The following DTHD1 variants were observed in gnomAD, a reference collection of about 807,000 sequenced individuals.
DTHD1 encodes death domain-containing protein 1.
In DTHD1, 59 loss-of-function variants were observed where a neutral mutation model predicts 74.8. The observed-to-expected ratio is 0.79, with a 90% CI of 0.64 to 0.98. The LOEUF (loss-of-function observed/expected upper bound fraction) is 0.98. Among genes scored for constraint, DTHD1 ranks in the 50% least tolerant of loss-of-function variants. The probability of loss-of-function intolerance (pLI) is 0.00; values close to 1 mark genes in which losing one functional copy is unlikely to be tolerated. For synonymous variants in DTHD1, 365 were observed against 371.1 expected (o/e 0.98, Z 0.19); for missense variants, 1,051 against 1,065.4 (o/e 0.99, Z 0.19).
chr4:36,295,103 A>T, intron 5 of DTHD1, 64 bp downstream of exon 5: 1 of 1,396,734 alleles, frequency 7.2e-7, no homozygotes, highest in African/African-American at 1.4e-5. Context: ...GATGATTAAA[A>T]CTTGCAGTCA....
chr4:36,317,925 C>T (rs1251989864), intron 8 of DTHD1, among the ~76,000 whole-genome samples: 1 of 152,070 alleles, frequency 6.6e-6, no homozygotes, highest in Non-Finnish European at 1.5e-5. Context: ...AGAAAAAAGG[C>T]AAGTTGGGGG....
chr4:36,339,186 T>A lies in DTHD1; in HGVS notation c.2398+17T>A, dbSNP rs1759177522. 3 of 1,527,750 alleles carry A rather than the reference T, an allele frequency of 2.0e-6. No individual in the cohort carries two copies. The highest frequency in any genetic ancestry group is 2.7e-6 in the Non-Finnish European group (3 of 1,126,446). 94.6% of individuals were successfully genotyped at this position (1,527,750 alleles called of 1,614,324 possible). A position where few individuals can be genotyped will look rare whatever the true frequency, so the allele number is the denominator to read the frequency against. On this transcript the variant is annotated intron_variant, in intron 9 of 9. Coordinates refer to ENST00000639862, the MANE Select transcript of DTHD1 (RefSeq NM_001170700.3). ...ATCCTGTAGGTGAGGAATATTTGCT[T>A]TGTCATCATTATAGTGCTTCCCCAC...
At chr4:36,336,244 T>C (rs1759003886) in intron 8 of DTHD1, among the ~76,000 whole-genome samples, 1 of 152,200 alleles carries the variant, frequency 6.6e-6, no homozygotes, top group South Asian at 2.1e-4. Flanking sequence ...TAAGATATCA[T>C]AGGTGGCAAA....
chr4:36,290,669 C>A lies in DTHD1; in HGVS notation c.1184C>A (p.Pro395Gln). Residue 395 changes from proline (P) to glutamine (Q), a missense_variant, in exon 3 of 10, where the codon CCA becomes CAA. Coordinates refer to ENST00000639862, the MANE Select transcript of DTHD1 (RefSeq NM_001170700.3). ...DINLQSSYLNPNSLEGMKGGY... is the reference protein window; with the variant it reads ...DINLQSSYLNQNSLEGMKGGY... ...AACCTTCAATCAAGTTACCTAAACC[C>A]AAATTCACTAGAAGGAATGAAGGGA... is the stretch of plus-strand genomic sequence containing the variant. The A allele has an allele frequency of 1.3e-6, 2 of 1,543,848 alleles. No homozygotes were observed. The highest frequency in any genetic ancestry group is 1.7e-6 in the Non-Finnish European group (2 of 1,146,710).
At position 36,345,128 on chromosome 4, in the gene DTHD1, C is replaced by A. The variant is rs9918030; in HGVS notation, c.*1304C>A. 7 of 151,920 alleles carry A rather than the reference C, an allele frequency of 4.6e-5. No homozygotes were observed. The highest frequency in any genetic ancestry group is 7.4e-5 in the Non-Finnish European group (5 of 67,986). 9.4% of individuals were successfully genotyped at this position (151,920 alleles called of 1,614,324 possible). ...TATTTCTTCTACTTAGGAAGAAAAC[C>A]TGCTTTAAAATTAGTTAACAGAAGC... On this transcript the variant is annotated 3_prime_UTR_variant, in exon 10 of 10. Coordinates refer to ENST00000639862, the MANE Select transcript of DTHD1 (RefSeq NM_001170700.3).
chr4:36,311,175 G>A (rs1757384702), intron 7 of DTHD1: 1 of 152,220 alleles, frequency 6.6e-6, no homozygotes. Context: ...GCCGTCACCT[G>A]TGCAATTCCT....
chr4:36,343,386 G>T (rs1329341578), intron 9 of DTHD1, 116 bp from the exon 10 acceptor site: 1 of 990,734 alleles, frequency 1.0e-6, no homozygotes, highest in South Asian at 1.7e-5. Flanking sequence ...TCTCTGCACT[G>T]CTCCAAGGCC....
intron 1 of DTHD1, among the ~76,000 whole-genome samples, chr4:36,282,436 T>A (rs892360575): frequency 2.0e-5 from 3 of 152,180 alleles, no homozygotes; most frequent in Non-Finnish European, 4.4e-5. Context: ...AGCTAGTAGT[T>A]TGTTTTTTAT....
intron 7 of DTHD1, among the ~76,000 whole-genome samples, chr4:36,308,718 C>G (rs1189337937): frequency 1.3e-5 from 2 of 152,126 alleles, no homozygotes; most frequent in African/African-American, 4.8e-5. Flanking sequence ...CTAAGTGACA[C>G]TTTTTAGAAA....
rs745581607 is a variant in DTHD1, at chr4:36,294,809, C to G, written c.1413C>G (p.Asp471Glu). 1.6e-5 allele frequency: 25 copies of G among 1,546,156 alleles called. No homozygotes were observed. In the South Asian group the frequency reaches 2.7e-4, roughly 16 times the overall value. ...TTTTTGTTTAGATCCAACCAGTTGA[C>G]CCAGCTCTGGTGGCACATTTAAAAG... Reference protein sequence around the residue: ...VLVQLKIQPVDPALVAHLKAQ... With the variant: ...VLVQLKIQPVEPALVAHLKAQ... Residue 471 changes from aspartate to glutamate, a missense_variant, in exon 5 of 10, where the codon GAC becomes GAG. Transcript: ENST00000639862.
chr4:36,326,753 C>A (rs1280620007), intron 8 of DTHD1, among the ~76,000 whole-genome samples: 1 of 152,150 alleles, frequency 6.6e-6, no homozygotes, highest in African/African-American at 2.4e-5. Context: ...TGTTTTCTTC[C>A]CATCTAGCAG....
intron 8 of DTHD1, among the ~76,000 whole-genome samples, chr4:36,321,406 T>G (rs967175782): frequency 2.0e-5 from 3 of 152,186 alleles, no homozygotes; most frequent in African/African-American, 7.2e-5. Context: ...ATTTGATCCT[T>G]GTAGGAGTGC....
intron 2 of DTHD1, among the ~76,000 whole-genome samples, chr4:36,288,523 G>A (rs1434185665): frequency 1.3e-5 from 2 of 152,184 alleles, no homozygotes; most frequent in Middle Eastern, 3.2e-3. Flanking sequence ...TCTTCCACAT[G>A]TGGCTTGCCA....
chr4:36,282,208 C>A (rs778964590), intron 1 of DTHD1, among the ~76,000 whole-genome samples, 179 bp downstream of exon 1: 10 of 152,204 alleles, frequency 6.6e-5, no homozygotes, highest in Non-Finnish European at 1.0e-4. Context: ...GACATTGGGG[C>A]CAGTCCCATT....
At position 36,282,001 on chromosome 4, in the gene DTHD1, C is replaced by A; in HGVS notation, c.243C>A (p.Asp81Glu). ...STCQQLHVLL[D>E]KENQCVSRKE... ...GCCAGCAGCTGCATGTGCTGCTTGA[C>A]AAAGAGAATCAATGTGTCTCGAGAA... Residue 81 changes from aspartate (D) to glutamate (E), a missense_variant, in exon 1 of 10, where the codon GAC (aspartate) becomes GAA (glutamate). Physicochemically the swap from Asp to Glu is conservative, Grantham distance 45. Transcript: ENST00000639862. 1.3e-6 allele frequency: 2 copies of A among 1,521,906 alleles called. No individual in the cohort carries two copies. The highest frequency in any genetic ancestry group is 4.2e-5 in the Admixed American group (2 of 47,920). 94.3% of individuals were successfully genotyped at this position (1,521,906 alleles called of 1,614,324 possible). A position where few individuals can be genotyped will look rare whatever the true frequency, so the allele number is the denominator to read the frequency against.
At chr4:36,308,555 A>G in intron 7 of DTHD1, 62 bp downstream of exon 7, 1 of 1,373,392 alleles carries the variant, frequency 7.3e-7, no homozygotes, top group Non-Finnish European at 9.7e-7. Context: ...TCTTCAGAAG[A>G]GTTTGCTAAA....
intron 5 of DTHD1, among the ~76,000 whole-genome samples, chr4:36,305,106 A>G (rs1007054490): frequency 4.6e-5 from 7 of 152,234 alleles, no homozygotes; most frequent in African/African-American, 1.7e-4. Context: ...AAATTGTACA[A>G]GAAAGCAAAT....
chr4:36,287,848 G>A (rs1388289488), intron 2 of DTHD1, among the ~76,000 whole-genome samples: 1 of 151,830 alleles, frequency 6.6e-6, no homozygotes, highest in East Asian at 1.9e-4. Context: ...TTTTTCTTCT[G>A]GATTTGTTTG....
intron 7 of DTHD1, among the ~76,000 whole-genome samples, chr4:36,313,859 A>C (rs1757539848): frequency 6.6e-6 from 1 of 152,230 alleles, no homozygotes; most frequent in African/African-American, 2.4e-5. Flanking sequence ...CAGGGACCAA[A>C]GTAGTAAAAG....
Sources: allele counts gnomAD v4.1 joint callset (sites outside exome capture counted in the v4.1 genomes callset), GRCh38; gene constraint gnomAD v4.1.1; transcripts MANE v1.5; gene names NCBI Gene and HGNC (gene_info 2026-07-23, HGNC 2026-07-21).